The following EXD3 variants were observed in gnomAD, a reference collection of about 807,000 sequenced individuals.
EXD3 encodes the protein exonuclease 3'-5' domain containing 3.
Under a neutral mutation model 98.0 loss-of-function variants are expected in EXD3, and 92 were observed. That is an observed-to-expected ratio of 0.94 (90% CI 0.79 to 1.12). EXD3 has a LOEUF of 1.12. Among genes scored for constraint, EXD3 ranks in the 50% most tolerant of loss-of-function variants. EXD3 has a pLI of 0.00. For synonymous variants in EXD3, 569 were observed against 526.0 expected, an observed-to-expected ratio of 1.08 and a Z score of -1.12; for missense variants, 1,222 against 1,191.6, an observed-to-expected ratio of 1.03 and a Z score of -0.38.
At chr9:137,390,309 G>A (rs1321198943) in intron 2 of EXD3, among the ~76,000 whole-genome samples, 1 of 150,612 alleles carries the variant, frequency 6.6e-6, no homozygotes, top group South Asian at 2.1e-4. Context: ...GCGGGCACCT[G>A]TAGTCCCAGC....
chr9:137,383,544 C>A (rs1220905493), intron 2 of EXD3, among the ~76,000 whole-genome samples, 167 bp from the exon 3 acceptor site: 2 of 152,182 alleles, frequency 1.3e-5, no homozygotes, highest in Non-Finnish European at 2.9e-5. Context: ...AACACACCTG[C>A]CAGCTGCGGC....
intron 17 of EXD3, among the ~76,000 whole-genome samples, chr9:137,346,379 G>A (rs146285957): frequency 0.013 from 1,889 of 150,974 alleles, 37 homozygotes; most frequent in South Asian, 0.07. Context: ...GATGGATTCC[G>A]CCCTCTCCAT....
At chr9:137,327,338 T>G (rs1402762386) in intron 17 of EXD3, among the ~76,000 whole-genome samples, 1 of 152,122 alleles carries the variant, frequency 6.6e-6, no homozygotes. Context: ...TTTCACTATG[T>G]TAGCCAGGAT....
chr9:137,396,936 G>T (rs1837242951), intron 1 of EXD3, among the ~76,000 whole-genome samples: 1 of 152,228 alleles, frequency 6.6e-6, no homozygotes, highest in African/African-American at 2.4e-5. Context: ...TGCTCCCCAC[G>T]CTGGAGCCTG....
chr9:137,398,552 GAC>G, intron 1 of EXD3, among the ~76,000 whole-genome samples: 2 of 151,880 alleles, frequency 1.3e-5, no homozygotes, highest in African/African-American at 4.8e-5. Flanking sequence ...GCGTCCCCAA[GAC>G]ACACAGGCAA....
rs543485137 is a variant in EXD3, at chr9:137,376,205, A to G, written c.121-2606T>C. Among the ~76,000 whole-genome samples, 11 of 152,028 alleles carry G rather than the reference A, an allele frequency of 7.2e-5. No homozygotes were observed. In the South Asian group the frequency reaches 1.5e-3, roughly 20 times the overall value. On this transcript the variant is annotated intron_variant, in intron 3 of 21. Transcript: ENST00000340951. ...TAAAAATACAAAAAATTAGCCGGGC[A>G]TGGTGGCGGGCGACTGTAGTCCCAG...
chr9:137,350,882 G>A (rs1588320793), intron 14 of EXD3, among the ~76,000 whole-genome samples, 156 bp downstream of exon 14: 1 of 152,088 alleles, frequency 6.6e-6, no homozygotes, highest in East Asian at 1.9e-4. Context: ...ATCCAGCTCT[G>A]CCAGGCTCTG....
Position 137,387,698 on chromosome 9 carries a change from C to T in EXD3, c.56-4321G>A, listed in dbSNP as rs559135115. Among the ~76,000 whole-genome samples, 6 of 152,222 alleles carry T rather than the reference C, an allele frequency of 3.9e-5. No individual in the cohort carries two copies. The East Asian group carries it at 5.8e-4, about 15-fold the overall frequency. On this transcript the variant is annotated intron_variant, in intron 2 of 21. Transcript: ENST00000340951. ...GCAGGGGCACGGGGTCCGAGAAGGGCGGGTGGGGCTTGGAGCTGACACCGA... is the reference window on the plus strand; with the variant it reads ...GCAGGGGCACGGGGTCCGAGAAGGGTGGGTGGGGCTTGGAGCTGACACCGA...
chr9:137,321,253 G>C (rs752520646), intron 19 of EXD3, among the ~76,000 whole-genome samples: 1 of 152,238 alleles, frequency 6.6e-6, no homozygotes, highest in African/African-American at 2.4e-5. Flanking sequence ...TGCTCAGCCA[G>C]GTGGGTGCCC....
intron 7 of EXD3, among the ~76,000 whole-genome samples, chr9:137,363,947 C>T (rs11516124): frequency 6.6e-6 from 1 of 152,238 alleles, no homozygotes; most frequent in South Asian, 2.1e-4. Flanking sequence ...ATGTTCATCA[C>T]TTATATTTTT....
At chr9:137,402,854 G>A (rs530583447) in intron 1 of EXD3, among the ~76,000 whole-genome samples, 163 of 152,294 alleles carry the variant, frequency 1.1e-3, no homozygotes, top group African/African-American at 3.8e-3. Flanking sequence ...CACGGTGGAA[G>A]GCGAAAGGCA....
chr9:137,318,211 AC>A (rs1315191153), intron 19 of EXD3, among the ~76,000 whole-genome samples: 1 of 150,998 alleles, frequency 6.6e-6, no homozygotes, highest in East Asian at 2.0e-4. Context: ...CTCCTCGAGA[AC>A]CCCCTCTTGG....
chr9:137,358,700 T>C (rs1017103922), intron 7 of EXD3, among the ~76,000 whole-genome samples: 6 of 152,132 alleles, frequency 3.9e-5, no homozygotes, highest in African/African-American at 1.4e-4. Flanking sequence ...ATTAAATGTA[T>C]ATATTTGACA....
chr9:137,327,522 T>G (rs1588256729), intron 17 of EXD3, among the ~76,000 whole-genome samples: 1 of 152,144 alleles, frequency 6.6e-6, no homozygotes, highest in East Asian at 1.9e-4. Flanking sequence ...GCCACTGAAT[T>G]GTACACTTAA....
chr9:137,315,756 C>T (rs1831614336), intron 19 of EXD3, among the ~76,000 whole-genome samples: 1 of 152,060 alleles, frequency 6.6e-6, no homozygotes, highest in Non-Finnish European at 1.5e-5. Context: ...CCGGCCTGCC[C>T]TGGGCGGGCA....
intron 19 of EXD3, among the ~76,000 whole-genome samples, chr9:137,320,322 C>G (rs1005684752): frequency 6.6e-6 from 1 of 152,224 alleles, no homozygotes; most frequent in Non-Finnish European, 1.5e-5. Context: ...AATTCCCCGC[C>G]GGCTGTTTGC....
intron 2 of EXD3, among the ~76,000 whole-genome samples, chr9:137,389,981 G>C (rs1336567339): frequency 6.6e-6 from 1 of 151,634 alleles, no homozygotes; most frequent in African/African-American, 2.4e-5. Context: ...AATTACCCAA[G>C]CATGGTGGTG....
intron 19 of EXD3, among the ~76,000 whole-genome samples, chr9:137,321,688 C>T (rs1305524538): frequency 2.0e-5 from 3 of 152,180 alleles, no homozygotes; most frequent in African/African-American, 7.2e-5. Context: ...GTCCCACCCC[C>T]AAAAAACCCC....
chr9:137,330,132 A>G (rs1313101569), intron 17 of EXD3, among the ~76,000 whole-genome samples: 1 of 126,452 alleles, frequency 7.9e-6, no homozygotes, highest in Non-Finnish European at 1.6e-5. Flanking sequence ...CACAGGAGCT[A>G]CACAGGAACT....
Sources: allele counts gnomAD v4.1 joint callset (sites outside exome capture counted in the v4.1 genomes callset), GRCh38; gene constraint gnomAD v4.1.1; transcripts MANE v1.5; gene names NCBI Gene and HGNC (gene_info 2026-07-23, HGNC 2026-07-21).